The following OLFML2A variants were observed in gnomAD, a reference collection of about 807,000 sequenced individuals.
OLFML2A encodes olfactomedin-like protein 2A.
In OLFML2A, 47 loss-of-function variants were observed where a neutral mutation model predicts 60.9. The observed-to-expected ratio is 0.77, with a 90% CI of 0.61 to 0.98. The LOEUF (loss-of-function observed/expected upper bound fraction) is 0.98. Among genes scored for constraint, OLFML2A ranks in the 50% least tolerant of loss-of-function variants. The probability of loss-of-function intolerance (pLI) is 0.00; values close to 1 mark genes in which losing one functional copy is unlikely to be tolerated. For missense variants in OLFML2A, 922 were observed against 879.8 expected (o/e 1.05, Z -0.61); for synonymous variants, 372 against 375.0 (o/e 0.99, Z 0.09).
chr9:124,790,784 C>A (rs1564283425), intron 2 of OLFML2A, among the ~76,000 whole-genome samples: 1 of 151,980 alleles, frequency 6.6e-6, no homozygotes, highest in Non-Finnish European at 1.5e-5. Flanking sequence ...GTTTGGCTCC[C>A]CCTCTCTCAG....
At chr9:124,792,992 C>G (rs1257666265) in intron 2 of OLFML2A, among the ~76,000 whole-genome samples, 1 of 152,232 alleles carries the variant, frequency 6.6e-6, no homozygotes, top group Non-Finnish European at 1.5e-5. Context: ...TCCAGCACAG[C>G]CTCCCGCCCC....
At chr9:124,778,011 G>A (rs1329125325) in intron 1 of OLFML2A, among the ~76,000 whole-genome samples, 1 of 152,196 alleles carries the variant, frequency 6.6e-6, no homozygotes, top group African/African-American at 2.4e-5. Flanking sequence ...AGAATCATGG[G>A]ACCCACTTCC....
At chr9:124,809,255 A>C (rs920047124) in intron 7 of OLFML2A, among the ~76,000 whole-genome samples, 4 of 152,186 alleles carry the variant, frequency 2.6e-5, no homozygotes, top group Non-Finnish European at 4.4e-5. Flanking sequence ...CAAGCAGCGC[A>C]CAGGGTGGTG....
intron 2 of OLFML2A, among the ~76,000 whole-genome samples, chr9:124,793,738 T>A (rs1841610706): frequency 6.6e-6 from 1 of 152,142 alleles, no homozygotes; most frequent in African/African-American, 2.4e-5. Context: ...TTTGAAAATA[T>A]TCCTGAGCTG....
At chr9:124,797,450 A>T (rs1841688136) in intron 3 of OLFML2A, among the ~76,000 whole-genome samples, 1 of 152,226 alleles carries the variant, frequency 6.6e-6, no homozygotes, top group South Asian at 2.1e-4. Flanking sequence ...CAGGAAGTAG[A>T]GAGCAAGGAT....
intron 6 of OLFML2A, 47 bp from the exon 7 acceptor site, chr9:124,807,734 G>A (rs747800136): frequency 8.1e-6 from 12 of 1,490,172 alleles, no homozygotes; most frequent in Admixed American, 2.1e-5. Flanking sequence ...TCTGGCTGGG[G>A]GGCTTGGGGG....
Position 124,778,879 on chromosome 9 carries a change from C to T in OLFML2A, c.90+1519C>T, listed in dbSNP as rs556036241. 3.6e-4 allele frequency: 271 copies of T among 755,798 alleles called. 5 individuals are homozygous for T. The South Asian group carries it at 0.015, about 41-fold the overall frequency. 46.8% of individuals were successfully genotyped at this position (755,798 alleles called of 1,614,324 possible). On this transcript the variant is annotated intron_variant, in intron 1 of 7. Coordinates refer to ENST00000373580, the MANE Select transcript of OLFML2A (RefSeq NM_182487.4). ...CAGGACCAGAGCCCTGGTCACAGAG[C>T]GTGAGGGCAAAAAAGTGACTTCCAA...
intron 3 of OLFML2A, among the ~76,000 whole-genome samples, chr9:124,797,037 T>C (rs1841681951): frequency 6.6e-6 from 1 of 152,176 alleles, no homozygotes; most frequent in Non-Finnish European, 1.5e-5. Flanking sequence ...AGGGTCTCAC[T>C]CTGTAGGCCA....
chr9:124,802,530 TG>T (rs1184832577), intron 5 of OLFML2A, among the ~76,000 whole-genome samples: 2 of 152,258 alleles, frequency 1.3e-5, no homozygotes, highest in African/African-American at 4.8e-5. Context: ...TCCCAGCTGC[TG>T]GCCCAAGCCC....
intron 2 of OLFML2A, among the ~76,000 whole-genome samples, chr9:124,793,434 G>A (rs1841604488): frequency 6.6e-6 from 1 of 152,178 alleles, no homozygotes; most frequent in Non-Finnish European, 1.5e-5. Flanking sequence ...TCCCTCTCTC[G>A]GCTGCCATTT....
intron 4 of OLFML2A, among the ~76,000 whole-genome samples, chr9:124,800,163 T>A (rs567693958): frequency 1.7e-4 from 26 of 152,346 alleles, no homozygotes; most frequent in African/African-American, 6.3e-4. Flanking sequence ...CAACCACTTT[T>A]GGGTGAGCCG....
chr9:124,789,806 G>A (rs1841539541), intron 2 of OLFML2A, among the ~76,000 whole-genome samples: 1 of 152,220 alleles, frequency 6.6e-6, no homozygotes, highest in Admixed American at 6.5e-5. Context: ...GGAGTCAGGG[G>A]GAATGAATTT....
intron 3 of OLFML2A, among the ~76,000 whole-genome samples, chr9:124,796,090 C>G (rs1168532238): frequency 4.6e-5 from 7 of 152,192 alleles, no homozygotes; most frequent in Non-Finnish European, 7.3e-5. Context: ...CTGCCAGGAG[C>G]GGGCGTGGGG....
In OLFML2A at chr9:124,799,300, CT is replaced by C. The variant is rs1410404486; in HGVS notation, c.479del (p.Leu160ArgfsTer8). The C allele has an allele frequency of 1.9e-6, 3 of 1,611,268 alleles. No individual in the cohort carries two copies. The Admixed American group carries it at 5.0e-5, about 27-fold the overall frequency. On this transcript the variant is annotated frameshift_variant, in exon 4 of 8. Coordinates refer to ENST00000373580, the MANE Select transcript of OLFML2A (RefSeq NM_182487.4). LOFTEE classifies it high-confidence loss of function. Reference protein sequence around the residue: ...NTLEESIKANLSRENEVVKDS... With the variant: ...NTLEESIKANXSRENEVVKDS... ...CCCTCCGCAGAGCATCAAGGCCAAC[CT>C]GAGCCGGGAGAATGAGGTGGTGAAG... is the stretch of plus-strand genomic sequence containing the variant.
At chr9:124,808,011 C>T in intron 7 of OLFML2A, 45 bp downstream of exon 7, 1 of 1,485,026 alleles carries the variant, frequency 6.7e-7, no homozygotes, top group South Asian at 1.2e-5. Flanking sequence ...TATGGACAAC[C>T]TGGGGAGGGG....
In OLFML2A at chr9:124,810,146, A is replaced by G. The variant is rs773319843; in HGVS notation, c.1693A>G (p.Thr565Ala). The G allele has an allele frequency of 2.3e-5, 37 of 1,613,940 alleles. No homozygotes were observed. The highest frequency in any genetic ancestry group is 2.9e-5 in the Non-Finnish European group (34 of 1,180,010). The change falls in exon 8 of 8, where the codon ACG (threonine) becomes GCG (alanine). Residue 565 changes from threonine to alanine, a missense_variant. Thr to Ala is a moderately conservative substitution (Grantham distance 58). Transcript: ENST00000373580. ...CGATCTCTCCGTGCACCGGGAGACC[A>G]CGTGGAAGACACGGCTGCGGCGGAA... is the stretch of plus-strand genomic sequence containing the variant. ...PGDLSVHRET[T>A]WKTRLRRNSY... is the part of the protein sequence containing the mutation.
Position 124,787,247 on chromosome 9 carries a change from G to C in OLFML2A, c.354+9G>C, listed in dbSNP as rs1841493419. 1 of 1,612,346 alleles carries C rather than the reference G, an allele frequency of 6.2e-7. No individual in the cohort carries two copies. Among genetic ancestry groups the C allele is most frequent in the East Asian group, 2.2e-5 (1 of 44,808 alleles). The stretch of plus-strand genomic sequence containing the variant: ...CGCCCGAGCTCCTCAAGGTAGACTT[G>C]GTGGGGTGATGGAGGGAGTAAGGGC... On this transcript the variant is annotated intron_variant, in intron 2 of 7. Transcript: ENST00000373580.
At chr9:124,800,885 G>T in intron 4 of OLFML2A, 1 of 1,516,944 alleles carries the variant, frequency 6.6e-7, no homozygotes, top group Non-Finnish European at 8.8e-7. Flanking sequence ...ATATCCTAGA[G>T]GTTGGGTGAC....
In OLFML2A at chr9:124,811,844, G is replaced by A. The variant is rs1159978367; in HGVS notation, c.*1432G>A. On this transcript the variant is annotated 3_prime_UTR_variant, in exon 8 of 8. Coordinates refer to ENST00000373580, the MANE Select transcript of OLFML2A (RefSeq NM_182487.4). ...AAGAAATTTTCTAGCCCAACTCCCT[G>A]TTTCATGAAAGAGAAAAGAGGCTCA... The A allele has an allele frequency of 1.3e-5, 2 of 152,190 alleles. No individual in the cohort carries two copies. Among genetic ancestry groups the A allele is most frequent in the Non-Finnish European group, 2.9e-5 (2 of 68,044 alleles). The allele number at this position is 152,190 out of a possible 1,614,324, so 9.4% of individuals were successfully genotyped here. A position where few individuals can be genotyped will look rare whatever the true frequency, so the allele number is the denominator to read the frequency against.
Sources: gnomAD v4.1 joint callset for allele counts (sites outside exome capture counted in the v4.1 genomes callset) on GRCh38, gnomAD v4.1.1 for gene constraint, MANE v1.5 for transcripts, NCBI Gene and HGNC (gene_info 2026-07-23, HGNC 2026-07-21) for gene names.